SHISA9: variants seen among roughly 807,000 people sequenced by gnomAD.
The protein encoded by SHISA9 is shisa family member 9, also known as protein shisa-9.
A neutral mutation model predicts 38.0 loss-of-function variants in SHISA9; 13 were observed. That is an observed-to-expected ratio of 0.34 (90% confidence interval 0.22 to 0.54). SHISA9 has a LOEUF of 0.54. Ranked by LOEUF, SHISA9 falls within the 20% of genes least tolerant of loss-of-function variation. SHISA9 has a pLI of 0.91. For missense variants in SHISA9, 538 were observed against 575.8 expected, an observed-to-expected ratio of 0.93 and a Z score of 0.67; for synonymous variants, 275 against 242.0, an observed-to-expected ratio of 1.14 and a Z score of -1.27.
chr16:13,055,089 C>T (rs1320947567), intron 2 of SHISA9, among the ~76,000 whole-genome samples: 1 of 152,138 alleles, frequency 6.6e-6, no homozygotes, highest in African/African-American at 2.4e-5. Flanking sequence ...ATTTGGCCAT[C>T]ATCATATAAT....
intron 1 of SHISA9, chr16:12,908,956 C>A: frequency 1.0e-6 from 1 of 1,000,928 alleles, no homozygotes; most frequent in Non-Finnish European, 1.2e-6. Context: ...TTCAGAAGAA[C>A]TGGCACCCCT....
chr16:13,093,177 AC>A (rs1048974915), intron 2 of SHISA9, among the ~76,000 whole-genome samples: 13 of 152,258 alleles, frequency 8.5e-5, no homozygotes, highest in Admixed American at 8.5e-4. Flanking sequence ...AAGTGGCTGC[AC>A]CCCTCTTGTT....
the SHISA9 span, among the ~76,000 whole-genome samples, chr16:13,494,039 T>C: frequency 1.3e-5 from 2 of 152,096 alleles, no homozygotes; most frequent in Non-Finnish European, 2.9e-5. Context: ...CAGTGGATGT[T>C]TATTGGAACC....
intron 2 of SHISA9, among the ~76,000 whole-genome samples, chr16:13,181,302 TATATATATATAC>T (rs1197294050): frequency 1.6e-3 from 72 of 45,390 alleles, no homozygotes; most frequent in East Asian, 0.012. Context: ...TATATATATA[TATATATATATAC>T]ACACACACAC....
At chr16:12,962,056 C>G (rs2071918827) in intron 2 of SHISA9, among the ~76,000 whole-genome samples, 1 of 152,252 alleles carries the variant, frequency 6.6e-6, no homozygotes, top group African/African-American at 2.4e-5. Flanking sequence ...GCTGGACTTA[C>G]TTGCTGAGGA....
intron 2 of SHISA9, among the ~76,000 whole-genome samples, chr16:13,132,178 A>G (rs2050311927): frequency 1.3e-5 from 2 of 152,170 alleles, no homozygotes; most frequent in Non-Finnish European, 2.9e-5. Context: ...AGGTGTGAAT[A>G]GCAGCTCTGA....
At chr16:13,342,006 T>A in the SHISA9 span, among the ~76,000 whole-genome samples, 2 of 152,176 alleles carry the variant, frequency 1.3e-5, no homozygotes, top group Admixed American at 6.5e-5. Context: ...CCATTGAGTT[T>A]ATTCACCATT....
chr16:13,381,243 G>A, the SHISA9 span, among the ~76,000 whole-genome samples: 230 of 152,272 alleles, frequency 1.5e-3, no homozygotes, highest in Middle Eastern at 6.8e-3. Context: ...GATTAGAGAA[G>A]GAAGATGGAG....
chr16:13,162,192 G>A (rs2050600895), intron 2 of SHISA9, among the ~76,000 whole-genome samples: 1 of 152,174 alleles, frequency 6.6e-6, no homozygotes, highest in Admixed American at 6.5e-5. Context: ...GTGGGAGACA[G>A]CTTTCTCCTG....
the SHISA9 span, among the ~76,000 whole-genome samples, chr16:13,495,835 C>T: frequency 1.3e-5 from 2 of 152,000 alleles, no homozygotes; most frequent in Non-Finnish European, 2.9e-5. Context: ...ACTTTAGAAA[C>T]TAAACCGATG....
At chr16:13,210,351 C>T (rs976812239) in intron 3 of SHISA9, among the ~76,000 whole-genome samples, 1 of 152,128 alleles carries the variant, frequency 6.6e-6, no homozygotes, top group Non-Finnish European at 1.5e-5. Context: ...TGGCTCAATG[C>T]AACCTTGGCC....
the SHISA9 span, among the ~76,000 whole-genome samples, chr16:13,476,411 C>G: frequency 6.6e-6 from 1 of 152,144 alleles, no homozygotes; most frequent in Non-Finnish European, 1.5e-5. Context: ...GCTGCAGCAC[C>G]CAATTAAAGT....
At chr16:13,521,417 C>T in the SHISA9 span, among the ~76,000 whole-genome samples, 1 of 152,162 alleles carries the variant, frequency 6.6e-6, no homozygotes, top group Admixed American at 6.5e-5. Context: ...CGTCTAATGC[C>T]CTGTATCACA....
At chr16:13,551,167 C>T in the SHISA9 span, among the ~76,000 whole-genome samples, 1 of 151,998 alleles carries the variant, frequency 6.6e-6, no homozygotes, top group East Asian at 1.9e-4. Flanking sequence ...TAAAAATCCA[C>T]TGAAGATCTT....
chr16:13,296,461 G>A, the SHISA9 span, among the ~76,000 whole-genome samples: 1 of 151,660 alleles, frequency 6.6e-6, no homozygotes, highest in African/African-American at 2.4e-5. Context: ...CACTGTGTCC[G>A]AGAATACTGG....
At chr16:13,514,149 C>G in the SHISA9 span, among the ~76,000 whole-genome samples, 7 of 152,004 alleles carry the variant, frequency 4.6e-5, no homozygotes, top group Non-Finnish European at 1.0e-4. Flanking sequence ...CAGGCACCAC[C>G]ACACTCGGCT....
At chr16:12,997,636 C>T (rs997125550) in intron 2 of SHISA9, among the ~76,000 whole-genome samples, 1 of 152,030 alleles carries the variant, frequency 6.6e-6, no homozygotes, top group African/African-American at 2.4e-5. Context: ...GATCTCCTGA[C>T]CTCAGGTGAT....
rs1394974690 is a variant in SHISA9 at position 13,034,599 on chromosome 16, C to CAT, written c.691+117786_691+117787dup. 2.0e-5 allele frequency among the ~76,000 whole-genome samples: 3 copies of CAT among 152,234 alleles called. No individual in the cohort carries two copies. The East Asian group carries it at 5.8e-4, about 29-fold the overall frequency. ...CCAATTCTTCAGACCTCCCTCCATG[C>CAT]ATACTCTTTTCCATGTGACTTTGCA... On this transcript the variant is annotated intron_variant, in intron 2 of 4. Coordinates refer to ENST00000558583, the MANE Select transcript of SHISA9 (RefSeq NM_001145204.3).
intron 2 of SHISA9, among the ~76,000 whole-genome samples, chr16:12,988,623 C>G (rs1311761452): frequency 1.3e-5 from 2 of 152,142 alleles, no homozygotes; most frequent in African/African-American, 4.8e-5. Context: ...CTCCCCAGTT[C>G]AACCGATTCT....
Sources: gnomAD v4.1 joint callset for allele counts (sites outside exome capture counted in the v4.1 genomes callset) on GRCh38, gnomAD v4.1.1 for gene constraint, MANE v1.5 for transcripts, NCBI Gene and HGNC (gene_info 2026-07-23, HGNC 2026-07-21) for gene names.